The following ATP8B4 variants were observed in gnomAD, a reference collection of about 807,000 sequenced individuals.
ATP8B4 encodes the protein probable phospholipid-transporting ATPase IM.
Under a neutral mutation model 145.6 loss-of-function variants are expected in ATP8B4, and 133 were observed. The ratio of observed to expected loss-of-function variants is 0.91; its 90% CI spans 0.79 to 1.05. The LOEUF (loss-of-function observed/expected upper bound fraction) is 1.05, where lower values mean the gene tolerates loss of function less well. Among genes scored for constraint, ATP8B4 ranks in the 50% least tolerant of loss-of-function variants. ATP8B4 has a pLI of 0.00. For missense variants in ATP8B4, 1,458 were observed against 1,425.2 expected, an observed-to-expected ratio of 1.02 and a Z score of -0.37; for synonymous variants, 507 against 492.9, an observed-to-expected ratio of 1.03 and a Z score of -0.38.
At chr15:50,024,078 A>G (rs1389680968) in intron 6 of ATP8B4, among the ~76,000 whole-genome samples, 2 of 152,198 alleles carry the variant, frequency 1.3e-5, no homozygotes, top group Non-Finnish European at 2.9e-5. Context: ...AAATGAATAA[A>G]AGTAAATTCC....
At chr15:50,125,530 T>C (rs908460839) in intron 1 of ATP8B4, among the ~76,000 whole-genome samples, 4 of 152,192 alleles carry the variant, frequency 2.6e-5, no homozygotes, top group African/African-American at 4.8e-5. Flanking sequence ...CTGCAAGGCA[T>C]TGGGGACCCC....
chr15:50,123,966 C>T (rs2057291019), upstream of ATP8B4, among the ~76,000 whole-genome samples: 2 of 152,090 alleles, frequency 1.3e-5, no homozygotes, highest in South Asian at 4.2e-4. Context: ...TTTCTTCCTG[C>T]ACCCCAGAGC....
chr15:50,062,431 G>A (rs1373058747), intron 3 of ATP8B4, among the ~76,000 whole-genome samples: 1 of 152,080 alleles, frequency 6.6e-6, no homozygotes, highest in African/African-American at 2.4e-5. Flanking sequence ...TATGCTTCCT[G>A]TACAGCCTTG....
chr15:49,945,851 A>G (rs1481625260), intron 14 of ATP8B4, among the ~76,000 whole-genome samples: 1 of 152,220 alleles, frequency 6.6e-6, no homozygotes, highest in East Asian at 1.9e-4. Flanking sequence ...AAAATACCTT[A>G]TCATAATAAA....
intron 16 of ATP8B4, among the ~76,000 whole-genome samples, chr15:49,925,254 C>A (rs182684726): frequency 2.0e-5 from 3 of 151,702 alleles, no homozygotes; most frequent in African/African-American, 7.3e-5. Context: ...CTATATTTTC[C>A]AAAAAATATT....
chr15:49,938,284 CAATATT>C (rs2041894354), intron 14 of ATP8B4, among the ~76,000 whole-genome samples: 1 of 152,032 alleles, frequency 6.6e-6, no homozygotes, highest in Non-Finnish European at 1.5e-5. Flanking sequence ...CTGCCCATAT[CAATATT>C]AACTTTGAAT....
chr15:50,026,548 A>C (rs562875825), intron 6 of ATP8B4, among the ~76,000 whole-genome samples: 1 of 152,218 alleles, frequency 6.6e-6, no homozygotes, highest in Non-Finnish European at 1.5e-5. Flanking sequence ...GGCAGCCGAG[A>C]GCACCTGCTC....
At chr15:49,948,081 A>G (rs974013832) in intron 14 of ATP8B4, among the ~76,000 whole-genome samples, 6 of 152,194 alleles carry the variant, frequency 3.9e-5, no homozygotes, top group Admixed American at 1.3e-4. Context: ...TTGCATAGAC[A>G]TGACAACAAA....
chr15:50,008,483 G>T (rs1467897863), intron 7 of ATP8B4, among the ~76,000 whole-genome samples: 1 of 152,142 alleles, frequency 6.6e-6, no homozygotes, highest in Non-Finnish European at 1.5e-5. Context: ...ATCACATGTA[G>T]CTATTTAAAT....
intron 3 of ATP8B4, among the ~76,000 whole-genome samples, chr15:50,069,988 CA>C (rs2053623297): frequency 6.6e-6 from 1 of 152,080 alleles, no homozygotes; most frequent in Non-Finnish European, 1.5e-5. Flanking sequence ...AGTGAGATCT[CA>C]ATGGCTTAAC....
upstream of ATP8B4, among the ~76,000 whole-genome samples, chr15:50,123,800 C>T (rs1389197067): frequency 3.3e-5 from 5 of 152,092 alleles, no homozygotes; most frequent in Non-Finnish European, 5.9e-5. Context: ...TGAGCTACTC[C>T]ACATCTCCAG....
At chr15:50,103,819 C>T (rs1053809599) in intron 2 of ATP8B4, among the ~76,000 whole-genome samples, 3 of 151,912 alleles carry the variant, frequency 2.0e-5, no homozygotes, top group Admixed American at 1.3e-4. Context: ...TTACATTACC[C>T]GACTTCAAAC....
At chr15:50,025,253 C>T (rs1053418266) in intron 6 of ATP8B4, among the ~76,000 whole-genome samples, 3 of 152,142 alleles carry the variant, frequency 2.0e-5, no homozygotes, top group African/African-American at 7.2e-5. Flanking sequence ...TCCCATGCAG[C>T]AGGTATGAGA....
At chr15:49,865,529 G>A (rs1226124563) in intron 26 of ATP8B4, among the ~76,000 whole-genome samples, 2 of 152,178 alleles carry the variant, frequency 1.3e-5, no homozygotes, top group Non-Finnish European at 2.9e-5. Flanking sequence ...GGAAGTGTGG[G>A]GGCAGTCATG....
intron 14 of ATP8B4, among the ~76,000 whole-genome samples, chr15:49,934,474 C>A (rs1230294372): frequency 6.6e-6 from 1 of 151,986 alleles, no homozygotes; most frequent in African/African-American, 2.4e-5. Flanking sequence ...TACAAAAAAC[C>A]ACAGAAAATG....
chr15:49,929,229 C>T (rs2899441), intron 16 of ATP8B4, among the ~76,000 whole-genome samples: 77,423 of 151,990 alleles, frequency 0.51, 20,769 homozygotes, highest in Middle Eastern at 0.59. Flanking sequence ...TACCCAACTG[C>T]GCCACAAGTT....
intron 1 of ATP8B4, among the ~76,000 whole-genome samples, chr15:50,107,243 C>T (rs1036247391): frequency 3.3e-5 from 5 of 152,118 alleles, no homozygotes; most frequent in Admixed American, 6.5e-5. Flanking sequence ...AGCACAAATG[C>T]GCCACTCAAT....
chr15:49,866,416 A>G lies in ATP8B4; in HGVS notation c.3096T>C (p.Tyr1032=). ...HVFIWGSIAI[Y]FSILFTMHSN... is the part of the protein sequence containing the mutation. ...TGTGCATTGTAAATAAAATGGAGAA[A>G]TAAATGGCAATGCTCCCCCAGATGA... The change falls in exon 26 of 28, where the codon TAT becomes TAC. Residue 1032 remains tyrosine, a synonymous_variant. Coordinates refer to ENST00000284509, the MANE Select transcript of ATP8B4 (RefSeq NM_024837.4). 3.1e-6 allele frequency: 5 copies of G among 1,613,706 alleles called. No homozygotes were observed. Among genetic ancestry groups the G allele is most frequent in the Non-Finnish European group, 4.2e-6 (5 of 1,179,576 alleles).
At chr15:50,065,016 C>A (rs965426183) in intron 3 of ATP8B4, among the ~76,000 whole-genome samples, 13 of 152,030 alleles carry the variant, frequency 8.6e-5, no homozygotes, top group African/African-American at 2.7e-4. Flanking sequence ...CCAACACTAG[C>A]GATGACAATT....
Sources: gnomAD v4.1 joint callset for allele counts (sites outside exome capture counted in the v4.1 genomes callset) on GRCh38, gnomAD v4.1.1 for gene constraint, MANE v1.5 for transcripts, NCBI Gene and HGNC (gene_info 2026-07-23, HGNC 2026-07-21) for gene names.